Variants in MACROD2 observed in about 807,000 individuals in gnomAD.
The protein encoded by MACROD2 is ADP-ribose glycohydrolase MACROD2.
A neutral mutation model predicts 70.4 loss-of-function variants in MACROD2; 36 were observed. The observed-to-expected ratio is 0.51, with a 90% CI of 0.39 to 0.68. MACROD2 has a LOEUF of 0.68. MACROD2 is among the 30% of genes least tolerant of loss of function. MACROD2 has a pLI of 0.00. For synonymous variants in MACROD2, 172 were observed against 178.8 expected (o/e 0.96, Z 0.30); for missense variants, 496 against 538.4 (o/e 0.92, Z 0.78).
At chr20:14,451,617 A>T (rs1301725469) in intron 3 of MACROD2, among the ~76,000 whole-genome samples, 1 of 152,134 alleles carries the variant, frequency 6.6e-6, no homozygotes. Context: ...CATTTGGTTG[A>T]GAGATTTCCC....
intron 5 of MACROD2, among the ~76,000 whole-genome samples, chr20:14,811,143 A>G (rs916370558): frequency 5.9e-5 from 9 of 152,100 alleles, no homozygotes; most frequent in African/African-American, 2.2e-4. Context: ...AATCCTAAGC[A>G]AAAAGAACGA....
intron 8 of MACROD2, among the ~76,000 whole-genome samples, chr20:15,564,171 G>A (rs948899408): frequency 6.6e-6 from 1 of 152,164 alleles, no homozygotes; most frequent in Non-Finnish European, 1.5e-5. Flanking sequence ...TACTGTGAAA[G>A]TGAAGATAAC....
At chr20:15,040,672 A>G (rs2075349247) in intron 5 of MACROD2, among the ~76,000 whole-genome samples, 1 of 152,116 alleles carries the variant, frequency 6.6e-6, no homozygotes, top group Non-Finnish European at 1.5e-5. Flanking sequence ...TGGGTTTAAC[A>G]TAGTGTTTTC....
At chr20:14,079,552 AT>A (rs371077863) in intron 2 of MACROD2, among the ~76,000 whole-genome samples, 28 of 152,282 alleles carry the variant, frequency 1.8e-4, no homozygotes, top group African/African-American at 6.3e-4. Context: ...GATGAAACAT[AT>A]TTTCTTCCAA....
intron 5 of MACROD2, among the ~76,000 whole-genome samples, chr20:15,066,324 C>T (rs1021611970): frequency 6.6e-6 from 1 of 150,958 alleles, no homozygotes; most frequent in African/African-American, 2.4e-5. Flanking sequence ...AGTAGAGACA[C>T]GGTTTCACCA....
intron 5 of MACROD2, among the ~76,000 whole-genome samples, chr20:14,731,285 C>T (rs1394879127): frequency 1.3e-5 from 2 of 152,130 alleles, no homozygotes; most frequent in Admixed American, 6.6e-5. Flanking sequence ...CATGCTGCCC[C>T]TATAATGCAG....
intron 5 of MACROD2, among the ~76,000 whole-genome samples, chr20:15,153,966 A>C (rs1601149836): frequency 6.6e-6 from 1 of 152,224 alleles, no homozygotes; most frequent in African/African-American, 2.4e-5. Flanking sequence ...GATTGGAGTT[A>C]TAATGACACC....
chr20:15,532,514 GA>G (rs756213066), intron 8 of MACROD2, among the ~76,000 whole-genome samples: 41 of 152,148 alleles, frequency 2.7e-4, no homozygotes, highest in Non-Finnish European at 5.1e-4. Context: ...CACTGAGGAA[GA>G]GAGAAAAGTG....
chr20:14,304,994 G>T (rs1034270439), intron 3 of MACROD2, among the ~76,000 whole-genome samples: 3 of 152,086 alleles, frequency 2.0e-5, no homozygotes, highest in African/African-American at 7.2e-5. Flanking sequence ...AATCAATGGG[G>T]ACTTTAAAAC....
chr20:14,274,611 A>G (rs951144717), intron 3 of MACROD2, among the ~76,000 whole-genome samples: 18 of 151,804 alleles, frequency 1.2e-4, no homozygotes, highest in African/African-American at 4.4e-4. Flanking sequence ...CTCTCTCACC[A>G]CTCCTATTCA....
intron 8 of MACROD2, among the ~76,000 whole-genome samples, chr20:15,806,201 C>T (rs1195573476): frequency 6.6e-6 from 1 of 152,164 alleles, no homozygotes; most frequent in Non-Finnish European, 1.5e-5. Context: ...CTTTTCTTAA[C>T]AATAGACCTT....
intron 5 of MACROD2, among the ~76,000 whole-genome samples, chr20:14,984,266 G>A (rs916378397): frequency 6.6e-6 from 1 of 152,114 alleles, no homozygotes; most frequent in African/African-American, 2.4e-5. Flanking sequence ...AGTACAATGA[G>A]GTTTTTAAGA....
intron 8 of MACROD2, among the ~76,000 whole-genome samples, chr20:15,637,716 G>T (rs959110496): frequency 2.0e-5 from 3 of 152,172 alleles, no homozygotes; most frequent in African/African-American, 7.2e-5. Context: ...TCTTTACATG[G>T]ATAATGAAGG....
intron 6 of MACROD2, among the ~76,000 whole-genome samples, chr20:15,416,155 A>G (rs2046145545): frequency 1.3e-5 from 2 of 152,186 alleles, no homozygotes; most frequent in African/African-American, 4.8e-5. Flanking sequence ...GCTCATTTCC[A>G]TAATAGACTC....
At chr20:15,650,450 T>C (rs1486134037) in intron 8 of MACROD2, among the ~76,000 whole-genome samples, 5 of 152,250 alleles carry the variant, frequency 3.3e-5, no homozygotes, top group Non-Finnish European at 7.3e-5. Context: ...TGTTATCTTC[T>C]TTAATTGCAG....
At chr20:14,560,592 T>G (rs1743173506) in intron 4 of MACROD2, among the ~76,000 whole-genome samples, 1 of 151,916 alleles carries the variant, frequency 6.6e-6, no homozygotes, top group South Asian at 2.1e-4. Flanking sequence ...TAGATAGTAA[T>G]GCATTTCATG....
rs553188044 is a variant in MACROD2, at chr20:15,697,291, A to T, written c.646-165454A>T. The stretch of plus-strand genomic sequence containing the variant: ...CAGTTCGAAGAATTTTTTAATTTCC[A>T]TATTGATTTCATTTTTGACCCAATG... On this transcript the variant is annotated intron_variant, in intron 8 of 17. Coordinates refer to ENST00000684519, the MANE Select transcript of MACROD2 (RefSeq NM_001351661.2). Among the ~76,000 whole-genome samples the T allele has an allele frequency of 5.3e-5, 8 of 152,220 alleles. No homozygotes were observed. In the East Asian group the frequency reaches 7.7e-4, roughly 15 times the overall value.
At chr20:14,953,548 G>A (rs764960352) in intron 5 of MACROD2, among the ~76,000 whole-genome samples, 11 of 152,018 alleles carry the variant, frequency 7.2e-5, no homozygotes, top group Non-Finnish European at 1.6e-4. Flanking sequence ...CTCATGGTCC[G>A]CCCACCTCGG....
chr20:14,389,421 C>CAAA (rs4052956), intron 3 of MACROD2, among the ~76,000 whole-genome samples: 31,121 of 89,632 alleles, frequency 0.35, 6,079 homozygotes, highest in South Asian at 0.56. Context: ...GACTTGGTCT[C>CAAA]AAAAAAAAAA....
Sources: gnomAD v4.1 joint callset for allele counts (sites outside exome capture counted in the v4.1 genomes callset) on GRCh38, gnomAD v4.1.1 for gene constraint, MANE v1.5 for transcripts, NCBI Gene and HGNC (gene_info 2026-07-23, HGNC 2026-07-21) for gene names.